The following TLCD4 variants were observed in gnomAD, a reference collection of about 807,000 sequenced individuals.
TLCD4 encodes TLC domain-containing protein 4.
Under a neutral mutation model 24.2 loss-of-function variants are expected in TLCD4, and 7 were observed. The ratio of observed to expected loss-of-function variants is 0.29; its 90% CI spans 0.16 to 0.54. The LOEUF is 0.54. Among genes scored for constraint, TLCD4 ranks in the 20% least tolerant of loss-of-function variants. The pLI is 0.95. For missense variants in TLCD4, 259 were observed against 313.9 expected, an observed-to-expected ratio of 0.82 and a Z score of 1.32; for synonymous variants, 103 against 106.4, an observed-to-expected ratio of 0.97 and a Z score of 0.20.
chr1:95,164,301 AG>A (rs1269046438), intron 5 of TLCD4: 2 of 152,516 alleles, frequency 1.3e-5, no homozygotes, highest in Admixed American at 1.3e-4. Context: ...CCTCTGAGCC[AG>A]GCGCGGGATA....
chr1:95,156,681 C>T (rs1677642193), intron 5 of TLCD4, among the ~76,000 whole-genome samples: 1 of 151,964 alleles, frequency 6.6e-6, no homozygotes, highest in Admixed American at 6.6e-5. Context: ...GAGGAAGAAA[C>T]AAATCTGACT....
upstream of TLCD4, among the ~76,000 whole-genome samples, chr1:95,116,826 G>C (rs1378093797): frequency 6.6e-6 from 1 of 152,154 alleles, no homozygotes; most frequent in Non-Finnish European, 1.5e-5. Flanking sequence ...AGGAATTCTG[G>C]AGGTGGTGCT....
intron 1 of TLCD4, among the ~76,000 whole-genome samples, chr1:95,127,598 G>A (rs200042379): frequency 1.3e-5 from 2 of 152,296 alleles, no homozygotes; most frequent in South Asian, 2.1e-4. Context: ...GAAGAGCAGT[G>A]ATATGGAAAT....
At chr1:95,110,450 C>G in the TLCD4 span, among the ~76,000 whole-genome samples, 3 of 151,800 alleles carry the variant, frequency 2.0e-5, no homozygotes, top group South Asian at 6.2e-4. Context: ...CCTAAATGTC[C>G]AACAATAAGG....
chr1:95,171,053 C>T (rs543087609), intron 5 of TLCD4, among the ~76,000 whole-genome samples: 1 of 152,102 alleles, frequency 6.6e-6, no homozygotes, highest in South Asian at 2.1e-4. Flanking sequence ...TTTCTCATCC[C>T]CCCCCTTTTT....
At chr1:95,113,552 A>G (rs1451184196), upstream of TLCD4, among the ~76,000 whole-genome samples, 1 of 152,182 alleles carries the variant, frequency 6.6e-6, no homozygotes, top group Non-Finnish European at 1.5e-5. Flanking sequence ...TGTGGAATGT[A>G]GGGTGAAGAC....
chr1:95,097,737 TTA>T, the TLCD4 span, among the ~76,000 whole-genome samples: 1 of 147,394 alleles, frequency 6.8e-6, no homozygotes, highest in Non-Finnish European at 1.5e-5. Flanking sequence ...GTCGTAACTT[TTA>T]TATATGTTCC....
chr1:95,134,639 G>A (rs892590789), intron 1 of TLCD4, among the ~76,000 whole-genome samples: 9 of 152,186 alleles, frequency 5.9e-5, no homozygotes, highest in African/African-American at 4.8e-5. Context: ...GCAAAACAGC[G>A]GTACTCAAGT....
At chr1:95,178,075 C>T (rs1042963699) in intron 6 of TLCD4, among the ~76,000 whole-genome samples, 24 of 149,078 alleles carry the variant, frequency 1.6e-4, no homozygotes, top group African/African-American at 4.7e-4. Flanking sequence ...CTCAGCTTCC[C>T]GAGTAGCTGG....
chr1:95,116,044 A>T (rs4344373), upstream of TLCD4, among the ~76,000 whole-genome samples: 45,720 of 152,044 alleles, frequency 0.3, 8,068 homozygotes, highest in Middle Eastern at 0.4. Flanking sequence ...AGAGCACTGG[A>T]GCCCTGGTAC....
At chr1:95,098,537 G>T in the TLCD4 span, among the ~76,000 whole-genome samples, 1 of 152,112 alleles carries the variant, frequency 6.6e-6, no homozygotes, top group African/African-American at 2.4e-5. Flanking sequence ...CTCTCATTCT[G>T]TGGTATTCTT....
intron 2 of TLCD4, among the ~76,000 whole-genome samples, chr1:95,146,556 T>G (rs1677355390): frequency 6.6e-6 from 1 of 152,142 alleles, no homozygotes; most frequent in Non-Finnish European, 1.5e-5. Context: ...GAAAAAAAAT[T>G]GAAATATTTT....
the TLCD4 span, among the ~76,000 whole-genome samples, chr1:95,100,272 A>T: frequency 3.2e-4 from 49 of 152,024 alleles, no homozygotes; most frequent in African/African-American, 1.1e-3. Flanking sequence ...TTTATGTTTC[A>T]ATAGAAAATC....
intron 5 of TLCD4, among the ~76,000 whole-genome samples, chr1:95,171,393 GTT>G (rs1678216519): frequency 1.3e-5 from 2 of 152,194 alleles, no homozygotes; most frequent in African/African-American, 4.8e-5. Context: ...ATGATTTGCA[GTT>G]CACAATAATG....
At chr1:95,098,026 T>A in the TLCD4 span, among the ~76,000 whole-genome samples, 6,745 of 152,218 alleles carry the variant, frequency 0.044, 199 homozygotes, top group Middle Eastern at 0.088. Flanking sequence ...ACAACATTAA[T>A]AACAAAAAAC....
chr1:95,104,532 G>A, the TLCD4 span, among the ~76,000 whole-genome samples: 9 of 151,658 alleles, frequency 5.9e-5, no homozygotes, highest in Non-Finnish European at 1.2e-4. Flanking sequence ...GGGCAAGGTG[G>A]CGGGTGCCTG....
chr1:95,189,056 T>C (rs1240762421), intron 6 of TLCD4, among the ~76,000 whole-genome samples: 1 of 152,162 alleles, frequency 6.6e-6, no homozygotes, highest in Non-Finnish European at 1.5e-5. Flanking sequence ...TCTAATCCAG[T>C]ATCTCATGGA....
At chr1:95,152,118 G>A (rs1677510405) in intron 5 of TLCD4, among the ~76,000 whole-genome samples, 1 of 151,846 alleles carries the variant, frequency 6.6e-6, no homozygotes, top group South Asian at 2.1e-4. Flanking sequence ...ATGTTCTGTT[G>A]TTATAGTTTA....
At chr1:95,126,453 G>C (rs1165393961) in intron 1 of TLCD4, among the ~76,000 whole-genome samples, 1 of 150,490 alleles carries the variant, frequency 6.6e-6, no homozygotes, top group Non-Finnish European at 1.5e-5. Flanking sequence ...AAAAAGGCTG[G>C]TAATATCAAG....
Sources: gnomAD v4.1 joint callset for allele counts (sites outside exome capture counted in the v4.1 genomes callset) on GRCh38, gnomAD v4.1.1 for gene constraint, MANE v1.5 for transcripts, NCBI Gene and HGNC (gene_info 2026-07-23, HGNC 2026-07-21) for gene names.